The following FHIP2A variants were observed in gnomAD, a reference collection of about 807,000 sequenced individuals.
FHIP2A encodes family with sequence similarity 160 member B1.
A neutral mutation model predicts 93.5 loss-of-function variants in FHIP2A; 46 were observed. The ratio of observed to expected loss-of-function variants is 0.49; its 90% CI spans 0.39 to 0.63. The LOEUF is 0.63. Among genes scored for constraint, FHIP2A ranks in the 20% least tolerant of loss-of-function variants. The probability of loss-of-function intolerance (pLI) is 0.00; values close to 1 mark genes in which losing one functional copy is unlikely to be tolerated. For synonymous variants in FHIP2A, 332 were observed against 326.5 expected (o/e 1.02, Z -0.18); for missense variants, 769 against 909.7 (o/e 0.85, Z 1.99).
intron 14 of FHIP2A, among the ~76,000 whole-genome samples, chr10:114,855,980 C>T (rs1233255502): frequency 2.0e-5 from 3 of 152,140 alleles, no homozygotes; most frequent in Non-Finnish European, 4.4e-5. Flanking sequence ...GATGAGAGAG[C>T]TTTGAAATGC....
At chr10:114,880,460 G>A (rs545567926) in intron 16 of FHIP2A, among the ~76,000 whole-genome samples, 6 of 152,084 alleles carry the variant, frequency 3.9e-5, no homozygotes, top group African/African-American at 7.2e-5. Flanking sequence ...CAGGCAGATC[G>A]CATGAGGCCA....
chr10:114,882,090 T>G (rs1038709572), intron 16 of FHIP2A, among the ~76,000 whole-genome samples: 10 of 152,248 alleles, frequency 6.6e-5, no homozygotes, highest in Non-Finnish European at 1.5e-4. Context: ...GAATCAGCAC[T>G]GTGCCGCTGT....
intron 5 of FHIP2A, among the ~76,000 whole-genome samples, chr10:114,837,692 G>A (rs1192126870): frequency 6.6e-6 from 1 of 152,162 alleles, no homozygotes; most frequent in Non-Finnish European, 1.5e-5. Context: ...ATGATCCTCT[G>A]TAGTCATCCC....
At chr10:114,886,465 T>C (rs185303834) in intron 16 of FHIP2A, among the ~76,000 whole-genome samples, 1 of 152,332 alleles carries the variant, frequency 6.6e-6, no homozygotes, top group East Asian at 1.9e-4. Flanking sequence ...AATATGGCCT[T>C]AGATGTTAAC....
At chr10:114,826,814 T>C (rs1408540946) in intron 1 of FHIP2A, among the ~76,000 whole-genome samples, 1 of 152,132 alleles carries the variant, frequency 6.6e-6, no homozygotes. Context: ...ACCAATATGA[T>C]GAAACCCCAT....
At position 114,861,899 on chromosome 10, in the gene FHIP2A, G is replaced by A. The variant is rs892277666; in HGVS notation, c.*359G>A. On this transcript the variant is annotated 3_prime_UTR_variant, in exon 17 of 17. Transcript: ENST00000369248. ...ATATTAATGTCCTTTTAGGTAGCAA[G>A]GCATTTTGACATTCTCTGGGACTCA... The A allele has an allele frequency of 6.1e-6, 6 of 989,590 alleles. No individual in the cohort carries two copies. In the African/African-American group the frequency reaches 1.0e-4, roughly 17 times the overall value. 61.3% of individuals were successfully genotyped at this position (989,590 alleles called of 1,614,324 possible).
At chr10:114,827,561 G>A (rs2083583707) in intron 1 of FHIP2A, among the ~76,000 whole-genome samples, 1 of 152,176 alleles carries the variant, frequency 6.6e-6, no homozygotes, top group African/African-American at 2.4e-5. Flanking sequence ...ACTTTGGGAG[G>A]CCAAGGCGGG....
At position 114,862,060 on chromosome 10, in the gene FHIP2A, T is replaced by A. The variant is rs992396636; in HGVS notation, c.*520T>A. On this transcript the variant is annotated 3_prime_UTR_variant, in exon 17 of 17. Coordinates refer to ENST00000369248, the MANE Select transcript of FHIP2A (RefSeq NM_020940.4). ...AAAATACAATTCAGAAACCATTGAATGAATTAATTATAGGCGATAAAAATG... is the reference window on the plus strand; with the variant it reads ...AAAATACAATTCAGAAACCATTGAAAGAATTAATTATAGGCGATAAAAATG... 5.0e-5 allele frequency: 48 copies of A among 966,032 alleles called. No homozygotes were observed. Among genetic ancestry groups the A allele is most frequent in the Non-Finnish European group, 5.3e-5 (43 of 811,990 alleles). The allele number at this position is 966,032 out of a possible 1,614,324, so 59.8% of individuals were successfully genotyped here.
At chr10:114,830,465 G>T (rs1210890986) in intron 1 of FHIP2A, among the ~76,000 whole-genome samples, 2 of 151,644 alleles carry the variant, frequency 1.3e-5, no homozygotes, top group African/African-American at 2.4e-5. Context: ...TAGAGATGGG[G>T]TTTCACCACG....
chr10:114,844,516 A>C (rs2083688554), intron 7 of FHIP2A, among the ~76,000 whole-genome samples: 1 of 152,170 alleles, frequency 6.6e-6, no homozygotes, highest in Admixed American at 6.5e-5. Flanking sequence ...CTGTATTTTT[A>C]ACGTGTCTTT....
chr10:114,879,562 T>C (rs2083906442), intron 16 of FHIP2A, among the ~76,000 whole-genome samples: 1 of 152,214 alleles, frequency 6.6e-6, no homozygotes, highest in African/African-American at 2.4e-5. Context: ...CAAATTTCTG[T>C]CTGTTGAATC....
intron 16 of FHIP2A, among the ~76,000 whole-genome samples, chr10:114,891,251 A>G (rs1391326844): frequency 7.3e-6 from 1 of 136,322 alleles, no homozygotes; most frequent in Non-Finnish European, 1.7e-5. Context: ...TGCATATAGA[A>G]GTGTTTACTG....
intron 15 of FHIP2A, 64 bp downstream of exon 15, chr10:114,860,953 T>C (rs905382344): frequency 6.7e-5 from 98 of 1,457,652 alleles, no homozygotes; most frequent in Admixed American, 1.0e-4. Flanking sequence ...TATGTTAATA[T>C]CATTGTATGC....
chr10:114,851,018 A>G (rs112769205), intron 13 of FHIP2A, among the ~76,000 whole-genome samples: 13,123 of 152,058 alleles, frequency 0.086, 1,184 homozygotes, highest in African/African-American at 0.22. Context: ...GGTTCAAGCA[A>G]TCCTCCTGCC....
At position 114,822,443 on chromosome 10, in the gene FHIP2A, G is replaced by A. The variant is rs573890592; in HGVS notation, c.45+320G>A. 8.6e-5 allele frequency among the ~76,000 whole-genome samples: 13 copies of A among 151,866 alleles called. No homozygotes were observed. The East Asian group carries it at 2.5e-3, about 30-fold the overall frequency. On this transcript the variant is annotated intron_variant, in intron 1 of 16. Transcript: ENST00000369248. ...CGCTCGGTGGTCGCCTCATTCCTCT[G>A]ATGGGGCCGGGGGTTCGGGGAGCAC...
At chr10:114,833,494 G>C in intron 3 of FHIP2A, 92 bp downstream of exon 3, 1 of 1,205,134 alleles carries the variant, frequency 8.3e-7, no homozygotes, top group East Asian at 2.3e-5. Flanking sequence ...GATTATAAAG[G>C]TACATATTGA....
intron 16 of FHIP2A, among the ~76,000 whole-genome samples, chr10:114,892,569 AG>A (rs1245971821): frequency 6.6e-6 from 1 of 152,000 alleles, no homozygotes; most frequent in Admixed American, 6.6e-5. Context: ...ACCCGGGAGG[AG>A]GAGGTTGCAG....
chr10:114,858,910 G>A (rs2083781920), intron 14 of FHIP2A, among the ~76,000 whole-genome samples: 1 of 152,068 alleles, frequency 6.6e-6, no homozygotes, highest in South Asian at 2.1e-4. Flanking sequence ...GGAGGTGATG[G>A]ATGTCCCAGT....
At chr10:114,857,330 A>C (rs916995663) in intron 14 of FHIP2A, among the ~76,000 whole-genome samples, 19 of 68,184 alleles carry the variant, frequency 2.8e-4, no homozygotes, top group Non-Finnish European at 5.1e-4. Context: ...TTTTTTTCTG[A>C]GACCGAGTCT....
Sources: gnomAD v4.1 joint callset for allele counts (sites outside exome capture counted in the v4.1 genomes callset) on GRCh38, gnomAD v4.1.1 for gene constraint, MANE v1.5 for transcripts, NCBI Gene and HGNC (gene_info 2026-07-23, HGNC 2026-07-21) for gene names.